ABCD3: variants seen among roughly 807,000 people sequenced by gnomAD.
ABCD3 encodes the protein ATP binding cassette subfamily D member 3, also known as ATP-binding cassette sub-family D member 3.
ABCD3 carries 41 observed loss-of-function variants against 105.5 expected under a neutral mutation model. The ratio of observed to expected loss-of-function variants is 0.39; its 90% confidence interval spans 0.30 to 0.50. The LOEUF is 0.50. Among genes scored for constraint, ABCD3 ranks in the 20% least tolerant of loss-of-function variants. ABCD3 has a pLI of 0.84. For missense variants in ABCD3, 622 were observed against 806.3 expected (o/e 0.77, Z 2.77); for synonymous variants, 258 against 269.0 (o/e 0.96, Z 0.40).
chr1:94,468,160 A>C (rs1479762619), intron 4 of ABCD3, among the ~76,000 whole-genome samples, 153 bp downstream of exon 4: 2 of 152,202 alleles, frequency 1.3e-5, no homozygotes, highest in African/African-American at 4.8e-5. Context: ...AAAAATACTT[A>C]GTGTTTCCCA....
At chr1:94,440,686 G>C (rs1032964456) in intron 1 of ABCD3, among the ~76,000 whole-genome samples, 3 of 152,114 alleles carry the variant, frequency 2.0e-5, no homozygotes, top group Admixed American at 6.5e-5. Flanking sequence ...TACCTTTCGG[G>C]TTTTGTAGCT....
intron 20 of ABCD3, among the ~76,000 whole-genome samples, chr1:94,506,104 A>G (rs542097375): frequency 2.6e-5 from 4 of 152,300 alleles, no homozygotes; most frequent in African/African-American, 9.6e-5. Flanking sequence ...GTACAATAAA[A>G]ATTATTGGTG....
At chr1:94,442,525 A>G (rs868770913) in intron 1 of ABCD3, among the ~76,000 whole-genome samples, 23 of 152,304 alleles carry the variant, frequency 1.5e-4, no homozygotes, top group Middle Eastern at 3.4e-3. Flanking sequence ...TCTTACATGC[A>G]TATATTAGAC....
chr1:94,501,873 A>C (rs1362092904), intron 20 of ABCD3, among the ~76,000 whole-genome samples: 1 of 131,648 alleles, frequency 7.6e-6, no homozygotes, highest in East Asian at 2.0e-4. Flanking sequence ...ATTTTTGTAA[A>C]TCTTTTTTTT....
upstream of ABCD3, among the ~76,000 whole-genome samples, chr1:94,414,619 G>C (rs537251033): frequency 6.6e-6 from 1 of 152,028 alleles, no homozygotes; most frequent in Non-Finnish European, 1.5e-5. Flanking sequence ...AATCCTACCC[G>C]GTTGGATTGG....
At position 94,487,677 on chromosome 1, in the gene ABCD3, T is replaced by C; in HGVS notation, c.968-17T>C. ...GAAATACTGTTACTGTTTTAAATCTTACCTGTTTGGTTTCAGACCTTGCCA... is the reference window on the plus strand; with the variant it reads ...GAAATACTGTTACTGTTTTAAATCTCACCTGTTTGGTTTCAGACCTTGCCA... On this transcript the variant is annotated splice_polypyrimidine_tract_variant and intron_variant, in intron 11 of 22. Transcript: ENST00000370214. 6.2e-7 allele frequency: 1 copy of C among 1,613,756 alleles called. No individual in the cohort carries two copies.
chr1:94,473,811 C>G lies in ABCD3; in HGVS notation c.381C>G (p.Leu127=), dbSNP rs145797099. ...GGAAAGATTTCAAGAGATACTTACT[C>G]AACTTCATCGCTGCCATGCCTCTTG... The part of the protein sequence containing the change: ...RSRKDFKRYL[L]NFIAAMPLIS... Residue 127 remains leucine, a synonymous_variant, in exon 5 of 23, where the codon CTC becomes CTG. Transcript: ENST00000370214. 7 of 1,612,580 alleles carry G rather than the reference C, an allele frequency of 4.3e-6. No individual in the cohort carries two copies. The African/African-American group carries it at 9.4e-5, about 22-fold the overall frequency.
intron 1 of ABCD3, among the ~76,000 whole-genome samples, chr1:94,440,977 A>G (rs184865854): frequency 1.3e-5 from 2 of 152,344 alleles, no homozygotes; most frequent in Non-Finnish European, 1.5e-5. Context: ...TACATCTCAT[A>G]CCATATGTAA....
chr1:94,405,491 A>T, the ABCD3 span, among the ~76,000 whole-genome samples: 3 of 152,044 alleles, frequency 2.0e-5, no homozygotes, highest in Non-Finnish European at 4.4e-5. Flanking sequence ...TTTAGTACAG[A>T]CAGGGTTTCT....
chr1:94,489,093 T>C (rs953884904), intron 13 of ABCD3, among the ~76,000 whole-genome samples: 1 of 152,112 alleles, frequency 6.6e-6, no homozygotes, highest in African/African-American at 2.4e-5. Flanking sequence ...AAATCCTGTT[T>C]TCTTCTTCGA....
At chr1:94,446,545 A>G (rs1660352218) in intron 1 of ABCD3, among the ~76,000 whole-genome samples, 1 of 152,238 alleles carries the variant, frequency 6.6e-6, no homozygotes, top group Non-Finnish European at 1.5e-5. Flanking sequence ...ATTGTGCCGT[A>G]TGTGGAAATG....
chr1:94,404,501 T>G, the ABCD3 span, among the ~76,000 whole-genome samples: 9 of 152,264 alleles, frequency 5.9e-5, no homozygotes, highest in African/African-American at 2.2e-4. Flanking sequence ...GTGGTTTGCT[T>G]TCAGTTTTTC....
intron 4 of ABCD3, among the ~76,000 whole-genome samples, chr1:94,472,979 TTTAG>T (rs1165170087): frequency 6.6e-6 from 1 of 152,180 alleles, no homozygotes; most frequent in African/African-American, 2.4e-5. Context: ...TTAATAAAGT[TTTAG>T]AACCCTTTTT....
Position 94,458,311 on chromosome 1 carries a change from A to G in ABCD3, c.111-296A>G, listed in dbSNP as rs78806168. Among the ~76,000 whole-genome samples the G allele has an allele frequency of 6.9e-3, 1,058 of 152,316 alleles. 12 individuals carry two copies. Among genetic ancestry groups the G allele is most frequent in the African/African-American group, 0.024 (1,009 of 41,568 alleles). ...TGGCCAAGCTATGATTCAAGGATGA[A>G]GAAGTAGACTTGCATTTATGTTTGT... On this transcript the variant is annotated intron_variant, in intron 1 of 22. Transcript: ENST00000370214.
intron 4 of ABCD3, 33 bp from the exon 5 acceptor site, chr1:94,473,733 T>C: frequency 6.3e-7 from 1 of 1,576,014 alleles, no homozygotes; most frequent in Non-Finnish European, 8.7e-7. Context: ...TTGCTTCTTT[T>C]GCAACTAATG....
At chr1:94,440,865 A>G (rs1395744147) in intron 1 of ABCD3, among the ~76,000 whole-genome samples, 1 of 152,176 alleles carries the variant, frequency 6.6e-6, no homozygotes, top group Non-Finnish European at 1.5e-5. Flanking sequence ...AGGAGCTTCA[A>G]AATAATCCCA....
intron 20 of ABCD3, among the ~76,000 whole-genome samples, chr1:94,501,166 C>T (rs954958034): frequency 2.0e-5 from 3 of 148,546 alleles, no homozygotes; most frequent in African/African-American, 5.0e-5. Context: ...GGGGCTGAGG[C>T]GGGAGAATCA....
intron 21 of ABCD3, among the ~76,000 whole-genome samples, chr1:94,509,781 T>A (rs1270558387): frequency 1.3e-5 from 2 of 152,162 alleles, no homozygotes; most frequent in African/African-American, 2.4e-5. Flanking sequence ...TGCGTAGAGG[T>A]GTTTGTAGTA....
the ABCD3 span, among the ~76,000 whole-genome samples, chr1:94,399,877 A>G: frequency 6.6e-6 from 1 of 152,238 alleles, no homozygotes; most frequent in East Asian, 1.9e-4. Context: ...AAACCTTCCC[A>G]TTCTGGCTGC....
Sources: allele counts gnomAD v4.1 joint callset (sites outside exome capture counted in the v4.1 genomes callset), GRCh38; gene constraint gnomAD v4.1.1; transcripts MANE v1.5; gene names NCBI Gene and HGNC (gene_info 2026-07-23, HGNC 2026-07-21).